Variants in ZCCHC14 observed in about 807,000 individuals in gnomAD.
ZCCHC14 encodes zinc finger CCHC domain-containing protein 14.
ZCCHC14 carries 16 observed loss-of-function variants against 85.0 expected under a neutral mutation model. The ratio of observed to expected loss-of-function variants is 0.19; its 90% CI spans 0.13 to 0.29. The LOEUF (loss-of-function observed/expected upper bound fraction) is 0.29, where lower values mean the gene tolerates loss of function less well. Ranked by LOEUF, ZCCHC14 falls within the 10% of genes least tolerant of loss-of-function variation. The pLI is 1.00. For synonymous variants in ZCCHC14, 775 were observed against 630.7 expected (o/e 1.23, Z -3.43); for missense variants, 1,303 against 1,443.5 (o/e 0.90, Z 1.58).
chr16:87,451,883 T>C (rs1435841795), intron 2 of ZCCHC14, among the ~76,000 whole-genome samples: 2 of 152,254 alleles, frequency 1.3e-5, no homozygotes, highest in Non-Finnish European at 2.9e-5. Flanking sequence ...ATGTCTTGGT[T>C]TGAAATGTGA....
chr16:87,478,123 G>A (rs1912105292), intron 1 of ZCCHC14, among the ~76,000 whole-genome samples: 1 of 152,186 alleles, frequency 6.6e-6, no homozygotes, highest in African/African-American at 2.4e-5. Flanking sequence ...CACTATTAAT[G>A]GTATGCTGGT....
chr16:87,459,430 C>T (rs1381784071), intron 2 of ZCCHC14, among the ~76,000 whole-genome samples: 6 of 151,854 alleles, frequency 4.0e-5, no homozygotes, highest in African/African-American at 1.5e-4. Flanking sequence ...CTGCAACCTC[C>T]ACCTCCTGGG....
At chr16:87,413,469 C>A (rs1283606837) in intron 10 of ZCCHC14, among the ~76,000 whole-genome samples, 3 of 152,200 alleles carry the variant, frequency 2.0e-5, no homozygotes, top group African/African-American at 7.2e-5. Flanking sequence ...CCCAGCGCAC[C>A]CCCAGGAACT....
intron 2 of ZCCHC14, among the ~76,000 whole-genome samples, chr16:87,441,741 C>T (rs559045392): frequency 2.6e-5 from 4 of 152,228 alleles, no homozygotes; most frequent in Non-Finnish European, 5.9e-5. Flanking sequence ...TAAAAAGGCA[C>T]TCTTATAAAG....
At chr16:87,421,611 A>T (rs1432364706) in intron 4 of ZCCHC14, among the ~76,000 whole-genome samples, 1 of 152,024 alleles carries the variant, frequency 6.6e-6, no homozygotes, top group Non-Finnish European at 1.5e-5. Context: ...CTACCCCCGA[A>T]AAGGGGCCGA....
At chr16:87,480,402 C>CA (rs1053620817) in intron 1 of ZCCHC14, among the ~76,000 whole-genome samples, 19 of 150,092 alleles carry the variant, frequency 1.3e-4, no homozygotes, top group African/African-American at 2.2e-4. Context: ...GACACTGTCT[C>CA]AAAAAAAATA....
At chr16:87,416,778 A>G (rs571078749) in intron 8 of ZCCHC14, among the ~76,000 whole-genome samples, 24 of 152,282 alleles carry the variant, frequency 1.6e-4, no homozygotes, top group Admixed American at 1.4e-3. Context: ...AAAAACATTC[A>G]CAAATCCTAA....
At position 87,420,803 on chromosome 16, in the gene ZCCHC14, G is replaced by A; in HGVS notation, c.841-87C>T. ...GCTACTGCAGGAAAACCTGGGGCAG[G>A]TGCTCCATGGTGCCGCCTGCTGGTC... On this transcript the variant is annotated intron_variant, in intron 4 of 12. Transcript: ENST00000671377. The surrounding 1 kb of genome is among the most constrained non-coding windows in gnomAD (Gnocchi z 5.0). 4 of 1,056,430 alleles carry A rather than the reference G, an allele frequency of 3.8e-6. No individual in the cohort carries two copies. The South Asian group carries it at 6.3e-5, about 17-fold the overall frequency. The allele number at this position is 1,056,430 out of a possible 1,614,324, so 65.4% of individuals were successfully genotyped here. A position where few individuals can be genotyped will look rare whatever the true frequency, so the allele number is the denominator to read the frequency against.
At chr16:87,415,568 C>T (rs118154488) in intron 8 of ZCCHC14, among the ~76,000 whole-genome samples, 37 of 152,362 alleles carry the variant, frequency 2.4e-4, no homozygotes, top group African/African-American at 3.6e-4. Flanking sequence ...AACTCCGAGA[C>T]GCAGTTCTGA....
chr16:87,453,052 GA>G (rs1285429779), intron 2 of ZCCHC14, among the ~76,000 whole-genome samples: 1 of 152,240 alleles, frequency 6.6e-6, no homozygotes, highest in African/African-American at 2.4e-5. Context: ...CCTGGGAGGG[GA>G]GGCGAAATAG....
intron 1 of ZCCHC14, among the ~76,000 whole-genome samples, chr16:87,485,618 CT>C (rs1198943009): frequency 6.9e-6 from 1 of 144,558 alleles, no homozygotes; most frequent in Non-Finnish European, 1.5e-5. Flanking sequence ...GAAGAAGAAT[CT>C]TTTTCTAAAA....
intron 1 of ZCCHC14, among the ~76,000 whole-genome samples, chr16:87,461,740 T>G (rs1911269109): frequency 1.3e-5 from 2 of 152,176 alleles, no homozygotes; most frequent in Non-Finnish European, 2.9e-5. Context: ...CTGCTGCCAC[T>G]CCGGCAGGAC....
chr16:87,414,192 G>A (rs891996265), intron 10 of ZCCHC14, among the ~76,000 whole-genome samples: 6 of 149,786 alleles, frequency 4.0e-5, no homozygotes, highest in Non-Finnish European at 7.4e-5. Context: ...CCACCTGCCC[G>A]GCACACGGGC....
chr16:87,491,588 G>C lies in ZCCHC14; in HGVS notation c.570+81C>G. 1 of 1,264,008 alleles carries C rather than the reference G, an allele frequency of 7.9e-7. No homozygotes were observed. The highest frequency in any genetic ancestry group is 1.0e-6 in the Non-Finnish European group (1 of 986,136). 78.3% of individuals were successfully genotyped at this position (1,264,008 alleles called of 1,614,324 possible). ...GGCTGGAGGCGTGGGTCGGGGGGTC[G>C]CGGTGCAGGCTGGAGGCTTGGAGTG... On this transcript the variant is annotated intron_variant, in intron 1 of 12. Transcript: ENST00000671377. The surrounding 1 kb of genome is among the most constrained non-coding windows in gnomAD (Gnocchi z 5.9).
chr16:87,481,422 A>C (rs1052629502), intron 1 of ZCCHC14, among the ~76,000 whole-genome samples: 3 of 151,446 alleles, frequency 2.0e-5, no homozygotes, highest in Non-Finnish European at 4.4e-5. Flanking sequence ...AGACTATTCT[A>C]ATCTCCATCC....
At chr16:87,451,940 C>T (rs868002185) in intron 2 of ZCCHC14, among the ~76,000 whole-genome samples, 5 of 152,246 alleles carry the variant, frequency 3.3e-5, no homozygotes, top group Non-Finnish European at 5.9e-5. Flanking sequence ...CCCTCAAAGC[C>T]GCATGTCCTC....
chr16:87,410,016 C>A lies in ZCCHC14; in HGVS notation c.*264G>T. ...CTTCGGGAGACATGGCGTCTCTGCA[C>A]TGCAACCAAAAGTGGAGGTGGCCGA... On this transcript the variant is annotated 3_prime_UTR_variant, in exon 13 of 13. Transcript: ENST00000671377. The A allele has an allele frequency of 2.9e-6, 1 of 344,532 alleles. No homozygotes were observed. The highest frequency in any genetic ancestry group is 5.2e-6 in the Non-Finnish European group (1 of 190,730). The allele number at this position is 344,532 out of a possible 1,614,324, so 21.3% of individuals were successfully genotyped here. A position where few individuals can be genotyped will look rare whatever the true frequency, so the allele number is the denominator to read the frequency against.
chr16:87,459,556 C>T (rs1261314180), intron 2 of ZCCHC14, among the ~76,000 whole-genome samples: 1 of 150,950 alleles, frequency 6.6e-6, no homozygotes, highest in Non-Finnish European at 1.5e-5. Flanking sequence ...GTTGCCCAGG[C>T]TGGAGTGCAA....
intron 1 of ZCCHC14, among the ~76,000 whole-genome samples, chr16:87,484,235 G>A (rs1220629461): frequency 1.3e-5 from 2 of 152,218 alleles, no homozygotes; most frequent in Non-Finnish European, 2.9e-5. Context: ...AACCTTGCCT[G>A]ACCCTTAAAA....
Sources: gnomAD v4.1 joint callset for allele counts (sites outside exome capture counted in the v4.1 genomes callset) on GRCh38, gnomAD v4.1.1 for gene constraint, Gnocchi (gnomAD v3.1) non-coding constraint, MANE v1.5 for transcripts, NCBI Gene and HGNC (gene_info 2026-07-23, HGNC 2026-07-21) for gene names.